Variants in CCSER1 observed in about 807,000 individuals in gnomAD.
The protein encoded by CCSER1 is serine-rich coiled-coil domain-containing protein 1.
CCSER1 carries 41 observed loss-of-function variants against 82.0 expected under a neutral mutation model. That is an observed-to-expected ratio of 0.50 (90% CI 0.39 to 0.65). The LOEUF (loss-of-function observed/expected upper bound fraction) is 0.65, where lower values mean the gene tolerates loss of function less well. Ranked by LOEUF, CCSER1 falls within the 30% of genes least tolerant of loss-of-function variation. CCSER1 has a pLI of 0.00. For synonymous variants in CCSER1, 414 were observed against 383.9 expected (o/e 1.08, Z -0.92); for missense variants, 1,119 against 1,064.2 (o/e 1.05, Z -0.72).
rs561119406 is a variant in CCSER1, at chr4:91,080,453, T to A, written c.2173-5497T>A. Among the ~76,000 whole-genome samples the A allele has an allele frequency of 9.9e-5, 15 of 152,148 alleles. 1 individual carries two copies. In the South Asian group the frequency reaches 1.2e-3, roughly 13 times the overall value. ...GTAAATTAATAGCACTAAATGCCCA[T>A]AAGAGAAAGCAGGAGAGATTTAAAA... On this transcript the variant is annotated intron_variant, in intron 9 of 10. Coordinates refer to ENST00000509176, the MANE Select transcript of CCSER1 (RefSeq NM_001145065.2).
intron 10 of CCSER1, among the ~76,000 whole-genome samples, chr4:91,259,542 T>G (rs1240430750): frequency 2.0e-5 from 3 of 152,068 alleles, no homozygotes; most frequent in Admixed American, 6.5e-5. Flanking sequence ...GCTGCACCCA[T>G]CAACCTGCCA....
chr4:90,603,689 A>T (rs1784295506), intron 5 of CCSER1, among the ~76,000 whole-genome samples: 1 of 152,208 alleles, frequency 6.6e-6, no homozygotes, highest in Non-Finnish European at 1.5e-5. Flanking sequence ...TTTCCACTGG[A>T]TAGATGCCTA....
At chr4:90,291,963 TC>T (rs1560960520) in intron 1 of CCSER1, among the ~76,000 whole-genome samples, 1 of 152,054 alleles carries the variant, frequency 6.6e-6, no homozygotes, top group African/African-American at 2.4e-5. Context: ...AAAACCTATA[TC>T]CCTGTTCTAA....
At chr4:90,824,672 C>T (rs1448326008) in intron 8 of CCSER1, among the ~76,000 whole-genome samples, 1 of 152,074 alleles carries the variant, frequency 6.6e-6, no homozygotes, top group Non-Finnish European at 1.5e-5. Context: ...TCCCCACTTG[C>T]TCTACATTCT....
chr4:91,121,776 T>C (rs1727113312), intron 10 of CCSER1, among the ~76,000 whole-genome samples: 1 of 151,656 alleles, frequency 6.6e-6, no homozygotes, highest in Admixed American at 6.6e-5. Flanking sequence ...GCTAGCACTA[T>C]AGTTATCATT....
At chr4:90,979,993 A>T (rs1680349082) in intron 9 of CCSER1, among the ~76,000 whole-genome samples, 1 of 45,704 alleles carries the variant, frequency 2.2e-5, no homozygotes, top group Non-Finnish European at 7.0e-5. Context: ...TAACTAAAAA[A>T]AAATAATAAA....
chr4:91,039,921 CTGTT>C (rs1741815480), intron 9 of CCSER1, among the ~76,000 whole-genome samples: 3 of 152,058 alleles, frequency 2.0e-5, no homozygotes, highest in Non-Finnish European at 2.9e-5. Flanking sequence ...TTAGTCACCT[CTGTT>C]TGTTGTCATG....
chr4:91,069,840 A>G (rs1046109580), intron 9 of CCSER1, among the ~76,000 whole-genome samples: 4 of 152,218 alleles, frequency 2.6e-5, no homozygotes, highest in Non-Finnish European at 5.9e-5. Flanking sequence ...CAGCTGGTAC[A>G]GAATCTCTTG....
chr4:90,433,313 C>T (rs950190525), intron 4 of CCSER1, among the ~76,000 whole-genome samples: 1 of 151,968 alleles, frequency 6.6e-6, no homozygotes, highest in Admixed American at 6.6e-5. Context: ...TTTACATGTT[C>T]TAATATCTTG....
chr4:91,330,003 G>C (rs999650148), intron 10 of CCSER1, among the ~76,000 whole-genome samples: 1 of 151,808 alleles, frequency 6.6e-6, no homozygotes, highest in Non-Finnish European at 1.5e-5. Flanking sequence ...TTCCTCTGCT[G>C]TATTCTTTGG....
intron 5 of CCSER1, among the ~76,000 whole-genome samples, chr4:90,607,911 G>A (rs1254625339): frequency 6.6e-6 from 1 of 151,900 alleles, no homozygotes; most frequent in Non-Finnish European, 1.5e-5. Context: ...CCACTTAACC[G>A]TTTTTAAATT....
At chr4:90,137,680 A>T (rs1260739260) in intron 1 of CCSER1, among the ~76,000 whole-genome samples, 1 of 152,208 alleles carries the variant, frequency 6.6e-6, no homozygotes, top group Non-Finnish European at 1.5e-5. Flanking sequence ...AGATTCTCTA[A>T]TCTCAATTCC....
intron 10 of CCSER1, among the ~76,000 whole-genome samples, chr4:91,187,020 C>T (rs1734607225): frequency 3.3e-5 from 5 of 152,164 alleles, no homozygotes; most frequent in African/African-American, 1.2e-4. Flanking sequence ...GGGGCCTGCT[C>T]CCAACAGGAG....
In CCSER1 at chr4:90,309,317, C is replaced by A; in HGVS notation, c.1033C>A (p.Gln345Lys). 1 of 1,613,826 alleles carries A rather than the reference C, an allele frequency of 6.2e-7. No homozygotes were observed. The highest frequency in any genetic ancestry group is 1.1e-5 in the South Asian group (1 of 91,070). Residue 345 changes from glutamine to lysine, a missense_variant, in exon 2 of 11, where the codon CAG (glutamine) becomes AAG (lysine). Coordinates refer to ENST00000509176, the MANE Select transcript of CCSER1 (RefSeq NM_001145065.2). ...NSLPETSAANQKEVLLQIAEL... is the reference protein window; with the variant it reads ...NSLPETSAANKKEVLLQIAEL... ...ATTACCGGAAACCTCTGCTGCTAAT[C>A]AGAAGGAAGTGTTATTACAAATTGC... is the stretch of plus-strand genomic sequence containing the variant.
In CCSER1 at chr4:90,824,324, A is replaced by G. The variant is rs539745876; in HGVS notation, c.2094+8479A>G. ...CAAGTTCTCGGCTCATTTGTTAACA[A>G]TTGAATAGCAAAACATGGGACTGAA... On this transcript the variant is annotated intron_variant, in intron 8 of 10. Transcript: ENST00000509176. Among the ~76,000 whole-genome samples the G allele has an allele frequency of 6.6e-5, 10 of 152,224 alleles. 1 individual carries two copies. The highest frequency in any genetic ancestry group is 2.2e-4 in the African/African-American group (9 of 41,572).
intron 2 of CCSER1, among the ~76,000 whole-genome samples, chr4:90,311,820 A>G (rs1037152727): frequency 2.0e-5 from 3 of 152,198 alleles, no homozygotes; most frequent in Non-Finnish European, 4.4e-5. Context: ...GAGCCTAATT[A>G]GAACAATTTT....
At chr4:91,112,745 T>C (rs1366457910) in intron 10 of CCSER1, 2 of 152,186 alleles carry the variant, frequency 1.3e-5, no homozygotes, top group East Asian at 3.8e-4. Context: ...CATAACTTCT[T>C]AATTGTTTCT....
intron 10 of CCSER1, among the ~76,000 whole-genome samples, chr4:91,094,257 G>T (rs547350510): frequency 6.6e-6 from 1 of 152,254 alleles, no homozygotes; most frequent in South Asian, 2.1e-4. Context: ...TTAAACCCCT[G>T]GGGAAGCCGA....
intron 6 of CCSER1, among the ~76,000 whole-genome samples, chr4:90,652,162 A>G (rs1728873417): frequency 6.6e-6 from 1 of 152,206 alleles, no homozygotes; most frequent in Non-Finnish European, 1.5e-5. Context: ...AATTTAATTT[A>G]TAAGTAAATT....
Sources: gnomAD v4.1 joint callset for allele counts (sites outside exome capture counted in the v4.1 genomes callset) on GRCh38, gnomAD v4.1.1 for gene constraint, MANE v1.5 for transcripts, NCBI Gene and HGNC (gene_info 2026-07-23, HGNC 2026-07-21) for gene names.